The following ANK2 variants were observed in gnomAD, a reference collection of about 807,000 sequenced individuals.
The protein encoded by ANK2 is ankyrin-2.
In ANK2, 83 loss-of-function variants were observed where a neutral mutation model predicts 360.5. The ratio of observed to expected loss-of-function variants is 0.23; its 90% CI spans 0.19 to 0.28. ANK2 has a LOEUF of 0.28. ANK2 is among the 10% of genes least tolerant of loss of function. ANK2 has a pLI of 1.00. For missense variants in ANK2, 4,201 were observed against 4,795.7 expected, an observed-to-expected ratio of 0.88 and a Z score of 3.66; for synonymous variants, 1,740 against 1,759.5, an observed-to-expected ratio of 0.99 and a Z score of 0.28.
the ANK2 span, among the ~76,000 whole-genome samples, chr4:112,721,239 T>C: frequency 6.6e-6 from 1 of 152,028 alleles, no homozygotes; most frequent in Non-Finnish European, 1.5e-5. Flanking sequence ...TTGGAGCTGA[T>C]TAAAAGTTTG....
chr4:112,853,332 G>A (rs1309159341), intron 1 of ANK2, among the ~76,000 whole-genome samples: 1 of 152,016 alleles, frequency 6.6e-6, no homozygotes, highest in African/African-American at 2.4e-5. Context: ...CTCCCAAAGT[G>A]CTGGGATTGC....
At chr4:113,192,212 C>T (rs566118146) in intron 2 of ANK2, among the ~76,000 whole-genome samples, 208 of 152,238 alleles carry the variant, frequency 1.4e-3, no homozygotes, top group African/African-American at 4.8e-3. Context: ...TGTCCATTAT[C>T]CTCCCTTAAA....
At position 113,354,059 on chromosome 4, in the gene ANK2, A is replaced by C. The variant is rs759013185; in HGVS notation, c.5441A>C (p.Lys1814Thr). ...RPHPAASPSL[K>T]SERHAPGSPS... ...CATCCAGCTGCGTCACCCTCTCTGA[A>C]GTCAGAGAGACATGCGCCAGGGTCT... is the stretch of plus-strand genomic sequence containing the variant. The change falls in exon 38 of 46, where the codon AAG (lysine) becomes ACG (threonine). Residue 1814 changes from lysine (K) to threonine (T), a missense_variant. Physicochemically the swap from Lys to Thr is moderately conservative, Grantham distance 78. Around this residue, in one of 4 missense-constraint regions of ANK2, gnomAD observed 2,642 missense variants for 2,714.5 expected, o/e 0.97. Coordinates refer to ENST00000357077, the MANE Select transcript of ANK2 (RefSeq NM_001148.6). 2 of 1,613,966 alleles carry C rather than the reference A, an allele frequency of 1.2e-6. No homozygotes were observed. The highest frequency in any genetic ancestry group is 2.7e-5 in the African/African-American group (2 of 74,930).
intron 2 of ANK2, among the ~76,000 whole-genome samples, chr4:112,906,603 C>T (rs1324844800): frequency 6.6e-6 from 1 of 152,110 alleles, no homozygotes; most frequent in Non-Finnish European, 1.5e-5. Flanking sequence ...GGACAACATG[C>T]ACATCAACAC....
At chr4:113,207,795 T>A (rs1267074223) in intron 4 of ANK2, among the ~76,000 whole-genome samples, 2 of 152,116 alleles carry the variant, frequency 1.3e-5, no homozygotes, top group Non-Finnish European at 2.9e-5. Flanking sequence ...CAGCAGGTAT[T>A]TGGGCATCCA....
intron 1 of ANK2, among the ~76,000 whole-genome samples, chr4:113,098,965 A>C (rs1198016331): frequency 6.6e-6 from 1 of 151,918 alleles, no homozygotes; most frequent in East Asian, 1.9e-4. Flanking sequence ...TTCCTCAAAA[A>C]ATAAAAAGAA....
intron 2 of ANK2, chr4:113,031,475 T>C (rs1043843526): frequency 6.6e-6 from 1 of 152,048 alleles, no homozygotes; most frequent in African/African-American, 2.4e-5. Flanking sequence ...ACTCTAAACT[T>C]CTTCCTAAGG....
rs576016850 is a variant in ANK2 at position 112,855,443 on chromosome 4, G to C, written c.-40+37179G>C. 2.6e-5 allele frequency among the ~76,000 whole-genome samples: 4 copies of C among 152,302 alleles called. No individual in the cohort carries two copies. In the East Asian group the frequency reaches 7.7e-4, roughly 29 times the overall value. ...TAGTACACTGACAACAGGTTGCATAGGTTTTTGAGAGGTAAATTTATTTCT... is the reference window on the plus strand; with the variant it reads ...TAGTACACTGACAACAGGTTGCATACGTTTTTGAGAGGTAAATTTATTTCT... On this transcript the variant is annotated intron_variant, in intron 1 of 30. Coordinates refer to the ANK2 transcript ENST00000503271.
chr4:113,178,199 A>G (rs1341303647), intron 2 of ANK2, among the ~76,000 whole-genome samples: 1 of 151,990 alleles, frequency 6.6e-6, no homozygotes, highest in African/African-American at 2.4e-5. Flanking sequence ...TCCAGGCTGC[A>G]GTTAGCTATG....
In ANK2 at chr4:112,875,544, C is replaced by T. The variant is rs138168867; in HGVS notation, c.-39-28911C>T. Among the ~76,000 whole-genome samples the T allele has an allele frequency of 1.2e-4, 18 of 151,762 alleles. No individual in the cohort carries two copies. The East Asian group carries it at 3.5e-3, about 29-fold the overall frequency. On this transcript the variant is annotated intron_variant, in intron 1 of 30. Coordinates refer to the ANK2 transcript ENST00000503271. ...GAGATGAGAATCTTACTATTTTGTG[C>T]AGGCAGATCTTGAACTCCTACCCTC...
intron 2 of ANK2, among the ~76,000 whole-genome samples, chr4:113,006,631 A>G (rs1488257923): frequency 6.6e-6 from 1 of 152,230 alleles, no homozygotes; most frequent in Non-Finnish European, 1.5e-5. Flanking sequence ...TTGAAGTTAC[A>G]AATATACATA....
the ANK2 span, among the ~76,000 whole-genome samples, chr4:112,809,113 C>T: frequency 6.6e-6 from 1 of 151,768 alleles, no homozygotes; most frequent in African/African-American, 2.4e-5. Flanking sequence ...CCCACCTCAG[C>T]CTCCCAAAGT....
intron 2 of ANK2, among the ~76,000 whole-genome samples, chr4:113,014,993 G>T (rs1398350824): frequency 6.6e-6 from 1 of 151,646 alleles, no homozygotes; most frequent in Non-Finnish European, 1.5e-5. Flanking sequence ...CGAGTAGCTG[G>T]GACTACAGGC....
intron 1 of ANK2, among the ~76,000 whole-genome samples, chr4:113,122,103 A>G (rs1315370504): frequency 6.6e-6 from 1 of 152,138 alleles, no homozygotes; most frequent in Non-Finnish European, 1.5e-5. Flanking sequence ...GAATTGTGTT[A>G]TAAGAATGAG....
intron 4 of ANK2, among the ~76,000 whole-genome samples, chr4:113,231,553 A>G (rs1251756370): frequency 3.5e-4 from 53 of 152,082 alleles, no homozygotes; most frequent in Non-Finnish European, 1.6e-4. Flanking sequence ...TGATAATTCC[A>G]TATGTTATGA....
intron 1 of ANK2, among the ~76,000 whole-genome samples, chr4:112,874,257 A>G (rs1041157641): frequency 1.1e-4 from 16 of 150,468 alleles, no homozygotes; most frequent in African/African-American, 3.4e-4. Context: ...AATTTTTTGT[A>G]TTTTTAGTAG....
intron 23 of ANK2, among the ~76,000 whole-genome samples, chr4:113,306,468 C>T (rs889737307): frequency 9.2e-5 from 14 of 152,174 alleles, no homozygotes; most frequent in South Asian, 8.3e-4. Flanking sequence ...AAGGGAAACA[C>T]GATACCTTAA....
intron 1 of ANK2, among the ~76,000 whole-genome samples, chr4:112,821,826 G>A (rs1007969671): frequency 5.4e-5 from 8 of 148,682 alleles, no homozygotes; most frequent in South Asian, 2.1e-4. Context: ...GAGTACATTC[G>A]TGCAATCTTG....
chr4:112,795,028 C>T, the ANK2 span, among the ~76,000 whole-genome samples: 28 of 152,268 alleles, frequency 1.8e-4, no homozygotes, highest in Admixed American at 1.4e-3. Flanking sequence ...CTGGTACATG[C>T]TGCATAATTT....
Sources: gnomAD v4.1 joint callset for allele counts (sites outside exome capture counted in the v4.1 genomes callset) on GRCh38, gnomAD v4.1.1 for gene constraint, gnomAD v4.1.1 regional missense constraint, MANE v1.5 for transcripts, NCBI Gene and HGNC (gene_info 2026-07-23, HGNC 2026-07-21) for gene names.